The following MYH13 variants were observed in gnomAD, a reference collection of about 807,000 sequenced individuals.
MYH13 encodes the protein myosin heavy chain 13.
A neutral mutation model predicts 232.1 loss-of-function variants in MYH13; 177 were observed. The ratio of observed to expected loss-of-function variants is 0.76; its 90% confidence interval spans 0.67 to 0.86. The LOEUF is 0.86. Among genes scored for constraint, MYH13 ranks in the 40% least tolerant of loss-of-function variants. The probability of loss-of-function intolerance (pLI) is 0.00; values close to 1 mark genes in which losing one functional copy is unlikely to be tolerated. For synonymous variants in MYH13, 884 were observed against 923.5 expected (o/e 0.96, Z 0.78); for missense variants, 2,246 against 2,405.9 (o/e 0.93, Z 1.39).
chr17:10,312,187 G>A, intron 31 of MYH13, 111 bp from the exon 32 acceptor site: 1 of 1,234,476 alleles, frequency 8.1e-7, no homozygotes, highest in Non-Finnish European at 1.1e-6. Flanking sequence ...CCATCCTTAG[G>A]GACTGAAGAA....
rs566882520 is a variant in MYH13 at position 10,323,189 on chromosome 17, A to G, written c.2934+833T>C. Among the ~76,000 whole-genome samples, 307 of 152,280 alleles carry G rather than the reference A, an allele frequency of 2.0e-3. 1 individual carries two copies. Among genetic ancestry groups the G allele is most frequent in the Non-Finnish European group, 3.5e-3 (241 of 68,026 alleles). On this transcript the variant is annotated intron_variant, in intron 23 of 40. Coordinates refer to ENST00000252172, the MANE Select transcript of MYH13 (RefSeq NM_003802.3). ...TTCCTTGATCTATACACCCAGGAGCAGAATTGCTGGGTCGTAGGGTATCTG... is the reference window on the plus strand; with the variant it reads ...TTCCTTGATCTATACACCCAGGAGCGGAATTGCTGGGTCGTAGGGTATCTG...
intron 18 of MYH13, among the ~76,000 whole-genome samples, chr17:10,334,739 C>T (rs182497900): frequency 4.6e-5 from 7 of 152,048 alleles, no homozygotes; most frequent in Non-Finnish European, 8.8e-5. Context: ...ATTAGCCGGG[C>T]GTGGTGGCAG....
Position 10,354,782 on chromosome 17 carries a change from G to GAA in MYH13, c.902_903insTT (p.Leu302SerfsTer4). 6.2e-7 allele frequency: 1 copy of GAA among 1,613,824 alleles called. No individual in the cohort carries two copies. The highest frequency in any genetic ancestry group is 1.3e-5 in the African/African-American group (1 of 75,018). On this transcript the variant is annotated frameshift_variant and splice_region_variant, in exon 11 of 41. Transcript: ENST00000252172. LOFTEE classifies it high-confidence loss of function. ...AGGGGTTGGTGGAGATCAGAAGCAG[G>GAA]TCTGTGAAACACAGATATCCCTTTA...
intron 2 of MYH13, among the ~76,000 whole-genome samples, chr17:10,366,540 C>A (rs549366636): frequency 6.6e-6 from 1 of 151,928 alleles, no homozygotes; most frequent in South Asian, 2.1e-4. Flanking sequence ...ACCACCACAC[C>A]CGGCTAATTT....
At chr17:10,338,689 GTTTT>G (rs757791680) in intron 18 of MYH13, among the ~76,000 whole-genome samples, 1 of 108,816 alleles carries the variant, frequency 9.2e-6, no homozygotes, top group African/African-American at 3.7e-5. Context: ...TTTTATCCTT[GTTTT>G]TTTTTTTTTT....
At chr17:10,313,099 C>T in intron 30 of MYH13, 59 bp downstream of exon 30, 1 of 1,610,880 alleles carries the variant, frequency 6.2e-7, no homozygotes. Context: ...ATGAAGACTC[C>T]TGGTCCCTTG....
intron 32 of MYH13, 67 bp downstream of exon 32, chr17:10,311,844 C>A: frequency 6.3e-7 from 1 of 1,583,852 alleles, no homozygotes; most frequent in South Asian, 1.1e-5. Context: ...TGGCTGTGGC[C>A]AAATGGGGAA....
At chr17:10,313,416 T>C (rs1906590772) in intron 29 of MYH13, 62 bp from the exon 30 acceptor site, 2 of 1,607,708 alleles carry the variant, frequency 1.2e-6, no homozygotes, top group East Asian at 4.5e-5. Flanking sequence ...TTCAGGTATT[T>C]TCATTTAAAT....
chr17:10,341,586 A>G (rs1400156436), intron 16 of MYH13: 1 of 152,124 alleles, frequency 6.6e-6, no homozygotes, highest in African/African-American at 2.4e-5. Flanking sequence ...CTTGGGGGAA[A>G]ATGTCATGTC....
intron 29 of MYH13, among the ~76,000 whole-genome samples, chr17:10,314,614 A>G (rs1007185283): frequency 1.3e-5 from 2 of 152,134 alleles, no homozygotes; most frequent in Non-Finnish European, 2.9e-5. Context: ...GGAGACAAAT[A>G]TGGCGCTTGT....
chr17:10,308,881 G>A (rs1003218914), intron 35 of MYH13, among the ~76,000 whole-genome samples: 1 of 152,014 alleles, frequency 6.6e-6, no homozygotes, highest in African/African-American at 2.4e-5. Flanking sequence ...GCTGAGCCGG[G>A]TCAAAAATAA....
intron 40 of MYH13, 138 bp downstream of exon 40, chr17:10,301,431 A>G: frequency 1.5e-6 from 2 of 1,323,364 alleles, no homozygotes; most frequent in Non-Finnish European, 1.0e-6. Flanking sequence ...CATCTCAGGT[A>G]CCTGCTCTTA....
intron 33 of MYH13, 95 bp downstream of exon 33, chr17:10,311,008 C>A: frequency 6.7e-7 from 1 of 1,500,766 alleles, no homozygotes; most frequent in Non-Finnish European, 9.0e-7. Context: ...GACTCAGGGT[C>A]TCCTGGCAGG....
rs767426958 is a variant in MYH13, at chr17:10,357,892, A to G, written c.646-65T>C. On this transcript the variant is annotated intron_variant, in intron 7 of 40. Coordinates refer to ENST00000252172, the MANE Select transcript of MYH13 (RefSeq NM_003802.3). ...GGTTTTCTAAAGTAGCCCCTTGATG[A>G]CTAAAACGGTGGGTACTCTGGGCAG... 3.2e-4 allele frequency: 455 copies of G among 1,440,162 alleles called. 1 individual carries two copies. The highest frequency in any genetic ancestry group is 4.2e-4 in the Non-Finnish European group (435 of 1,029,394). The allele number at this position is 1,440,162 out of a possible 1,614,324, so 89.2% of individuals were successfully genotyped here.
Position 10,313,271 on chromosome 17 carries a change from T to C in MYH13, c.4068A>G (p.Glu1356=). Residue 1356 remains glutamate (E), a synonymous_variant, in exon 30 of 41, where the codon GAA becomes GAG. Coordinates refer to ENST00000252172, the MANE Select transcript of MYH13 (RefSeq NM_003802.3). ...GCGCCCTCTGCAGCTCGGCCTTGGC[T>C]TCCTGCTCCTCCTCATACTGTTCCC... ...LLREQYEEEQ[E]AKAELQRALS... is the part of the protein sequence containing the mutation. 1 of 1,614,238 alleles carries C rather than the reference T, an allele frequency of 6.2e-7. No individual in the cohort carries two copies. The highest frequency in any genetic ancestry group is 1.3e-5 in the African/African-American group (1 of 75,060).
Position 10,306,836 on chromosome 17 carries a change from G to A in MYH13, c.5295+103C>T, listed in dbSNP as rs1458368679. ...TCTGTCTGGGAAGCCACCACTAACCGATTGTTGTCATAAGAGATGAAACAT... is the reference window on the plus strand; with the variant it reads ...TCTGTCTGGGAAGCCACCACTAACCAATTGTTGTCATAAGAGATGAAACAT... On this transcript the variant is annotated intron_variant, in intron 36 of 40. Transcript: ENST00000252172. The surrounding 1 kb of genome is among the most constrained non-coding windows in gnomAD (Gnocchi z 4.3). 9.5e-6 allele frequency: 15 copies of A among 1,578,392 alleles called. No individual in the cohort carries two copies. Among genetic ancestry groups the A allele is most frequent in the Middle Eastern group, 2.3e-4 (1 of 4,298 alleles).
At chr17:10,368,065 G>C (rs2071850494) in intron 2 of MYH13, among the ~76,000 whole-genome samples, 1 of 152,090 alleles carries the variant, frequency 6.6e-6, no homozygotes, top group Non-Finnish European at 1.5e-5. Flanking sequence ...ATTTCATACA[G>C]TGGTTGTTTG....
Position 10,337,534 on chromosome 17 carries a change from C to T in MYH13, c.2056+2616G>A, listed in dbSNP as rs550204022. On this transcript the variant is annotated intron_variant, in intron 18 of 40. Coordinates refer to ENST00000252172, the MANE Select transcript of MYH13 (RefSeq NM_003802.3). ...TTTGATCATGGATCGTGACTCCCAGCCCCTGCTCTAGGTGCCCTGGGGTAA... is the reference window on the plus strand; with the variant it reads ...TTTGATCATGGATCGTGACTCCCAGTCCCTGCTCTAGGTGCCCTGGGGTAA... 9.2e-5 allele frequency among the ~76,000 whole-genome samples: 14 copies of T among 152,280 alleles called. No individual in the cohort carries two copies. In the South Asian group the frequency reaches 2.9e-3, roughly 32 times the overall value.
chr17:10,330,877 C>T (rs951311781), intron 20 of MYH13, among the ~76,000 whole-genome samples: 2 of 151,820 alleles, frequency 1.3e-5, no homozygotes, highest in African/African-American at 2.4e-5. Context: ...ATTATCCGGG[C>T]GTGGTGGTGG....
Sources: allele counts gnomAD v4.1 joint callset (sites outside exome capture counted in the v4.1 genomes callset), GRCh38; gene constraint gnomAD v4.1.1; non-coding constraint Gnocchi (gnomAD v3.1); transcripts MANE v1.5; gene names NCBI Gene and HGNC (gene_info 2026-07-23, HGNC 2026-07-21).